Variants in UBR4 observed in about 807,000 individuals in gnomAD.
UBR4 encodes the protein ubiquitin protein ligase E3 component n-recognin 4.
Under a neutral mutation model 575.6 loss-of-function variants are expected in UBR4, and 124 were observed. The ratio of observed to expected loss-of-function variants is 0.22; its 90% CI spans 0.19 to 0.25. The LOEUF (loss-of-function observed/expected upper bound fraction) is 0.25, where lower values mean the gene tolerates loss of function less well. UBR4 is among the 10% of genes least tolerant of loss of function. The pLI is 1.00. For synonymous variants in UBR4, 2,455 were observed against 2,473.7 expected, an observed-to-expected ratio of 0.99 and a Z score of 0.22; for missense variants, 4,818 against 6,478.8, an observed-to-expected ratio of 0.74 and a Z score of 8.80.
chr1:19,106,733 G>A lies in UBR4; in HGVS notation c.12236-7C>T. ...TTCCCATTGCCATCTATCCCTGCAA[G>A]GCCAAGGGTTGCAGGGGTAGTAGGT... On this transcript the variant is annotated splice_region_variant and splice_polypyrimidine_tract_variant and intron_variant, in intron 82 of 105. Transcript: ENST00000375254. The A allele has an allele frequency of 6.3e-7, 1 of 1,597,282 alleles. No homozygotes were observed. Among genetic ancestry groups the A allele is most frequent in the Non-Finnish European group, 8.6e-7 (1 of 1,169,446 alleles).
intron 67 of UBR4, 132 bp from the exon 68 acceptor site, chr1:19,121,566 G>T: frequency 1.7e-6 from 2 of 1,195,246 alleles, no homozygotes; most frequent in Non-Finnish European, 2.3e-6. Flanking sequence ...CTCTCTGCTG[G>T]ACATTGTGAA....
At chr1:19,163,442 T>C (rs2087739450) in intron 34 of UBR4, among the ~76,000 whole-genome samples, 1 of 152,206 alleles carries the variant, frequency 6.6e-6, no homozygotes, top group South Asian at 2.1e-4. Flanking sequence ...TGACTCAGAG[T>C]GGCACAGTTC....
chr1:19,092,116 G>C (rs1008810528), intron 97 of UBR4, among the ~76,000 whole-genome samples: 1 of 152,072 alleles, frequency 6.6e-6, no homozygotes, highest in South Asian at 2.1e-4. Flanking sequence ...GGGGAAGATA[G>C]ATGTGGCTAC....
chr1:19,092,155 T>C (rs1012087104), intron 97 of UBR4, among the ~76,000 whole-genome samples: 1 of 152,134 alleles, frequency 6.6e-6, no homozygotes, highest in African/African-American at 2.4e-5. Flanking sequence ...ACCCTTGTGC[T>C]GATGAACCTG....
intron 99 of UBR4, among the ~76,000 whole-genome samples, chr1:19,087,119 T>C (rs2077090560): frequency 6.6e-6 from 1 of 152,250 alleles, no homozygotes; most frequent in African/African-American, 2.4e-5. Context: ...ACTTTGTGCT[T>C]CATCTGTCTG....
chr1:19,119,982 C>T (rs993863250), intron 69 of UBR4, among the ~76,000 whole-genome samples, 198 bp downstream of exon 69: 13 of 152,190 alleles, frequency 8.5e-5, no homozygotes, highest in African/African-American at 1.4e-4. Context: ...GAGTAGAAAA[C>T]AGATCGTCTC....
rs2092651909 is a variant in UBR4 at position 19,199,707 on chromosome 1, T to G, written c.322A>C (p.Ile108Leu). 1 of 1,614,114 alleles carries G rather than the reference T, an allele frequency of 6.2e-7. No individual in the cohort carries two copies. ...QSVAAACKVL[I>L]EFSLLRLENP... ...TCCAGACGCAGGAGAGAAAACTCAA[T>G]TAGAACTTTACAGGCTGCTGCCACT... Residue 108 changes from isoleucine (I) to leucine (L), a missense_variant, in exon 3 of 106, where the codon ATT (isoleucine) becomes CTT (leucine). By Grantham distance (5) the Ile-to-Leu change is conservative. Coordinates refer to ENST00000375254, the MANE Select transcript of UBR4 (RefSeq NM_020765.3).
rs1434875634 is a variant in UBR4, at chr1:19,106,839, C to T, written c.12233G>A (p.Arg4078Lys). ...GCGTCTTGAAGAGAAAGATATACCT[C>T]TGATAGGAAGACACTTCTTCCAGGC... ...YDAWKKCLPI[R>K]GIDGNGKAPS... The change falls in exon 82 of 106, where the codon AGA becomes AAA. Residue 4078 changes from arginine to lysine, a missense_variant and splice_region_variant. Physicochemically the swap from Arg to Lys is conservative, Grantham distance 26. Coordinates refer to ENST00000375254, the MANE Select transcript of UBR4 (RefSeq NM_020765.3). The T allele has an allele frequency of 6.2e-7, 1 of 1,613,838 alleles. No individual in the cohort carries two copies. The highest frequency in any genetic ancestry group is 1.7e-5 in the Admixed American group (1 of 60,024).
At chr1:19,131,600 G>A (rs1251839563) in intron 60 of UBR4, among the ~76,000 whole-genome samples, 1 of 152,156 alleles carries the variant, frequency 6.6e-6, no homozygotes, top group Non-Finnish European at 1.5e-5. Flanking sequence ...TACACTGGGC[G>A]TGGTGGCTCA....
chr1:19,185,039 C>G, intron 15 of UBR4, 60 bp downstream of exon 15: 1 of 1,594,344 alleles, frequency 6.3e-7, no homozygotes, highest in African/African-American at 1.3e-5. Context: ...AAATTATCTG[C>G]TTCTCATACC....
chr1:19,156,974 G>A (rs751768915), intron 40 of UBR4, 49 bp from the exon 41 acceptor site: 78 of 1,583,122 alleles, frequency 4.9e-5, no homozygotes, highest in Non-Finnish European at 6.4e-5. Flanking sequence ...TCCTCTCAGA[G>A]AAGTCAAAGC....
In UBR4 at chr1:19,163,827, G is replaced by A; in HGVS notation, c.4701C>T (p.Cys1567=). The change falls in exon 34 of 106, where the codon TGC becomes TGT. Residue 1567 remains cysteine (C), a splice_region_variant and synonymous_variant. Coordinates refer to ENST00000375254, the MANE Select transcript of UBR4 (RefSeq NM_020765.3). ...CATTCTTCTGTGACAGGTATTTCTT[G>A]CTGTCCCAAAGAAAAAAAAGAGGGG... The part of the protein sequence containing the change: ...HNAAVDWLSR[C]KKYLSQKNVV... 1 of 1,613,894 alleles carries A rather than the reference G, an allele frequency of 6.2e-7. No homozygotes were observed. The highest frequency in any genetic ancestry group is 1.3e-5 in the African/African-American group (1 of 74,952).
chr1:19,197,123 G>C lies in UBR4; in HGVS notation c.1018+18C>G. 6.2e-7 allele frequency: 1 copy of C among 1,612,538 alleles called. No homozygotes were observed. Among genetic ancestry groups the C allele is most frequent in the Non-Finnish European group, 8.5e-7 (1 of 1,179,358 alleles). On this transcript the variant is annotated intron_variant, in intron 8 of 105. Transcript: ENST00000375254. ...CTGCTTGACTGAGAAAATGAGACCA[G>C]ATATAATAACTTCTCACCTGCATAC...
Position 19,208,181 on chromosome 1 carries a change from C to T in UBR4, c.176+1892G>A, listed in dbSNP as rs532943864. ...AACCAGAAGACTTAAAAGATCTTGC[C>T]TTCCGGCTGGGCACGGTAGCTCATG... On this transcript the variant is annotated intron_variant, in intron 1 of 105. Transcript: ENST00000375254. 5.9e-5 allele frequency among the ~76,000 whole-genome samples: 9 copies of T among 152,324 alleles called. No homozygotes were observed. The East Asian group carries it at 1.7e-3, about 29-fold the overall frequency.
At position 19,210,154 on chromosome 1, in the gene UBR4, G is replaced by A; in HGVS notation, c.95C>T (p.Ala32Val). 2 of 1,572,432 alleles carry A rather than the reference G, an allele frequency of 1.3e-6. No homozygotes were observed. The highest frequency in any genetic ancestry group is 1.1e-5 in the South Asian group (1 of 87,068). ...GGACGCGGACAGCAGGGGCCGCACAGCCACCTCCCAGCCCGGGGTCGTGTC... is the reference window on the plus strand; with the variant it reads ...GGACGCGGACAGCAGGGGCCGCACAACCACCTCCCAGCCCGGGGTCGTGTC... The part of the protein sequence containing the change: ...GADTTPGWEV[A>V]VRPLLSASYS... Residue 32 changes from alanine (A) to valine (V), a missense_variant, in exon 1 of 106, where the codon GCT becomes GTT. Around this residue, in one of 29 missense-constraint regions of UBR4, gnomAD observed 95 missense variants for 87.7 expected, o/e 1.08. Coordinates refer to ENST00000375254, the MANE Select transcript of UBR4 (RefSeq NM_020765.3).
At chr1:19,195,266 A>AAATAATAATAATAATAATAAT (rs56018841) in intron 8 of UBR4, among the ~76,000 whole-genome samples, 222 of 143,334 alleles carry the variant, frequency 1.5e-3, no homozygotes, top group Middle Eastern at 0.014. Flanking sequence ...CTCCATCTCA[A>AAATAATAATAATAATAATAAT]AATAATAATA....
Position 19,110,572 on chromosome 1 carries a change from G to C in UBR4, c.11893-108C>G. ...CTAGGTGGCTCCAACAGAGACAAAG[G>C]ACAGACGGAGACCCTTGTGCTCCAG... On this transcript the variant is annotated intron_variant, in intron 79 of 105. Transcript: ENST00000375254. This position sits in a 1 kb window ranked among gnomAD's most constrained non-coding sequence, Gnocchi z 4.5. 1 of 1,351,058 alleles carries C rather than the reference G, an allele frequency of 7.4e-7. No individual in the cohort carries two copies. The highest frequency in any genetic ancestry group is 2.3e-5 in the East Asian group (1 of 43,534). The allele number at this position is 1,351,058 out of a possible 1,614,324, so 83.7% of individuals were successfully genotyped here.
intron 27 of UBR4, among the ~76,000 whole-genome samples, chr1:19,168,483 T>C (rs1200415350): frequency 2.6e-5 from 4 of 152,196 alleles, no homozygotes; most frequent in Non-Finnish European, 5.9e-5. Flanking sequence ...TTGTCTATAA[T>C]GACTGAGAAG....
intron 37 of UBR4, 93 bp from the exon 38 acceptor site, chr1:19,161,240 A>C (rs2087303717): frequency 3.3e-6 from 4 of 1,210,694 alleles, no homozygotes; most frequent in Non-Finnish European, 4.7e-6. Flanking sequence ...GACCCAAAGA[A>C]GAAACTGGCT....
Sources: gnomAD v4.1 joint callset for allele counts (sites outside exome capture counted in the v4.1 genomes callset) on GRCh38, gnomAD v4.1.1 for gene constraint, gnomAD v4.1.1 regional missense constraint, Gnocchi (gnomAD v3.1) non-coding constraint, MANE v1.5 for transcripts, NCBI Gene and HGNC (gene_info 2026-07-23, HGNC 2026-07-21) for gene names.